The following NTRK2 variants were observed in gnomAD, a reference collection of about 807,000 sequenced individuals.
NTRK2 encodes the protein BDNF/NT-3 growth factors receptor.
NTRK2 carries 13 observed loss-of-function variants against 94.5 expected under a neutral mutation model. The ratio of observed to expected loss-of-function variants is 0.14; its 90% CI spans 0.09 to 0.22. The LOEUF (loss-of-function observed/expected upper bound fraction) is 0.22. NTRK2 is among the 10% of genes least tolerant of loss of function. NTRK2 has a pLI of 1.00. For missense variants in NTRK2, 639 were observed against 1,071.2 expected, an observed-to-expected ratio of 0.60 and a Z score of 5.63; for synonymous variants, 372 against 407.4, an observed-to-expected ratio of 0.91 and a Z score of 1.05.
intron 12 of NTRK2, among the ~76,000 whole-genome samples, chr9:84,831,592 G>C (rs1484833489): frequency 6.6e-6 from 1 of 152,190 alleles, no homozygotes; most frequent in Non-Finnish European, 1.5e-5. Flanking sequence ...CTGTGAGGTA[G>C]ATACCACCAT....
At chr9:84,884,618 A>G (rs1258075019) in intron 14 of NTRK2, among the ~76,000 whole-genome samples, 5 of 152,224 alleles carry the variant, frequency 3.3e-5, no homozygotes, top group African/African-American at 9.6e-5. Context: ...GGCATAATAT[A>G]TCACGACGTT....
At chr9:84,836,934 GTATAA>G (rs56390905) in intron 12 of NTRK2, among the ~76,000 whole-genome samples, 26,154 of 133,958 alleles carry the variant, frequency 0.2, 2,555 homozygotes, top group Middle Eastern at 0.23. Context: ...TTGTCGTAGA[GTATAA>G]TATAATATAA....
At chr9:84,722,122 T>C (rs2062104347) in intron 6 of NTRK2, among the ~76,000 whole-genome samples, 1 of 151,594 alleles carries the variant, frequency 6.6e-6, no homozygotes, top group Non-Finnish European at 1.5e-5. Context: ...ATCATTGTTA[T>C]ATATTTCATT....
At chr9:84,991,890 C>T (rs769980468) in intron 17 of NTRK2, among the ~76,000 whole-genome samples, 4 of 152,122 alleles carry the variant, frequency 2.6e-5, no homozygotes, top group Non-Finnish European at 5.9e-5. Context: ...CTGAAGGTAC[C>T]TGTCTGGAGG....
At position 85,024,944 on chromosome 9, in the gene NTRK2, A is replaced by G. The variant is rs75947447; in HGVS notation, c.*3507A>G. ...TAAATACTTGATTTATACATATACA[A>G]ATGCACATACGTAGTGTGTTTGTGT... On this transcript the variant is annotated 3_prime_UTR_variant, in exon 19 of 19. Transcript: ENST00000277120. The G allele has an allele frequency of 0.012, 2,790 of 233,096 alleles. 65 individuals are homozygous for G. Among genetic ancestry groups the G allele is most frequent in the African/African-American group, 0.056 (2,547 of 45,450 alleles). 14.4% of individuals were successfully genotyped at this position (233,096 alleles called of 1,614,324 possible).
chr9:84,954,933 AG>A (rs1823925674), intron 16 of NTRK2, among the ~76,000 whole-genome samples: 1 of 152,166 alleles, frequency 6.6e-6, no homozygotes, highest in Non-Finnish European at 1.5e-5. Context: ...GCTGCTTCTC[AG>A]GGTCAGGGGG....
intron 8 of NTRK2, among the ~76,000 whole-genome samples, chr9:84,725,739 G>A (rs993559627): frequency 5.3e-5 from 8 of 151,154 alleles, no homozygotes; most frequent in Non-Finnish European, 1.2e-4. Context: ...TATAGATGAA[G>A]TCACATATTA....
rs1385614147 is a variant in NTRK2, at chr9:85,024,741, C to A, written c.*3304C>A. On this transcript the variant is annotated 3_prime_UTR_variant, in exon 19 of 19. Transcript: ENST00000277120. ...CAACTGAGATATTGTGATATATAAT[C>A]ATGCTCTTAGCTTCAGCTAAATTCA... The A allele has an allele frequency of 4.3e-6, 1 of 233,014 alleles. No homozygotes were observed. Among genetic ancestry groups the A allele is most frequent in the African/African-American group, 2.2e-5 (1 of 45,334 alleles). The allele number at this position is 233,014 out of a possible 1,614,324, so 14.4% of individuals were successfully genotyped here. A position where few individuals can be genotyped will look rare whatever the true frequency, so the allele number is the denominator to read the frequency against.
chr9:84,712,489 G>A (rs2061475874), intron 6 of NTRK2, among the ~76,000 whole-genome samples: 1 of 152,124 alleles, frequency 6.6e-6, no homozygotes, highest in South Asian at 2.1e-4. Flanking sequence ...TGATCGATTA[G>A]GACTGAATGG....
rs546383618 is a variant in NTRK2, at chr9:84,778,277, A to G, written c.1396+26192A>G. On this transcript the variant is annotated intron_variant, in intron 12 of 18. Coordinates refer to ENST00000277120, the MANE Select transcript of NTRK2 (RefSeq NM_006180.6). Reference sequence around the variant, plus strand: ...GACCCTGTCTAAATAAACAAAAACAAAAACAAAGCCTTCCTTAAATTGTGG... The same window carrying G: ...GACCCTGTCTAAATAAACAAAAACAGAAACAAAGCCTTCCTTAAATTGTGG... Among the ~76,000 whole-genome samples, 8 of 152,298 alleles carry G rather than the reference A, an allele frequency of 5.3e-5. 1 individual carries two copies. The South Asian group carries it at 1.7e-3, about 32-fold the overall frequency.
chr9:84,969,614 C>G (rs1825957996), intron 17 of NTRK2, among the ~76,000 whole-genome samples: 1 of 152,168 alleles, frequency 6.6e-6, no homozygotes, highest in South Asian at 2.1e-4. Context: ...GGTCTAATAG[C>G]TATTAAAATT....
At chr9:84,910,517 C>T (rs377433644) in intron 14 of NTRK2, among the ~76,000 whole-genome samples, 1 of 152,122 alleles carries the variant, frequency 6.6e-6, no homozygotes, top group African/African-American at 2.4e-5. Context: ...GATTTAAGGC[C>T]TACTCTAATC....
intron 17 of NTRK2, among the ~76,000 whole-genome samples, chr9:85,011,359 G>C (rs1226707754): frequency 1.3e-5 from 2 of 152,184 alleles, no homozygotes; most frequent in Non-Finnish European, 2.9e-5. Context: ...TGAGCGAGGA[G>C]AGTGTTATAA....
intron 14 of NTRK2, among the ~76,000 whole-genome samples, chr9:84,926,730 T>C (rs576656159): frequency 6.6e-6 from 1 of 152,346 alleles, no homozygotes; most frequent in South Asian, 2.1e-4. Context: ...ATGTTCGTGT[T>C]ATTATTTGTT....
intron 16 of NTRK2, among the ~76,000 whole-genome samples, chr9:84,949,314 GT>G (rs2078699770): frequency 6.6e-6 from 1 of 152,182 alleles, no homozygotes; most frequent in Non-Finnish European, 1.5e-5. Flanking sequence ...CAACTGAGAA[GT>G]TTTGTGGGAT....
intron 12 of NTRK2, among the ~76,000 whole-genome samples, chr9:84,771,332 G>A (rs905184076): frequency 1.3e-5 from 2 of 152,068 alleles, no homozygotes; most frequent in Non-Finnish European, 2.9e-5. Context: ...TGACTTCCTC[G>A]GCCCTGAAAT....
chr9:84,932,075 A>G (rs2078056815), intron 14 of NTRK2, among the ~76,000 whole-genome samples: 1 of 152,210 alleles, frequency 6.6e-6, no homozygotes, highest in Admixed American at 6.5e-5. Context: ...AACCACATGA[A>G]TTATCGGGGG....
intron 15 of NTRK2, among the ~76,000 whole-genome samples, chr9:84,940,520 A>G (rs1290690936): frequency 6.6e-6 from 1 of 152,172 alleles, no homozygotes; most frequent in Non-Finnish European, 1.5e-5. Flanking sequence ...GAGGGAAAAT[A>G]CTATGGTCCA....
Position 84,858,983 on chromosome 9 carries a change from G to A in NTRK2, c.1397-2057G>A, listed in dbSNP as rs149572165. Among the ~76,000 whole-genome samples the A allele has an allele frequency of 4.4e-3, 676 of 152,204 alleles. 15 individuals are homozygous for A. The highest frequency in any genetic ancestry group is 0.036 in the Admixed American group (543 of 15,274). On this transcript the variant is annotated intron_variant, in intron 12 of 18. Transcript: ENST00000277120. ...CAGCCTCCCTGAATCTCAGTTCCTC[G>A]TCAATAAGCATAGGATAATTTCTCA...
Sources: gnomAD v4.1 joint callset for allele counts (sites outside exome capture counted in the v4.1 genomes callset) on GRCh38, gnomAD v4.1.1 for gene constraint, MANE v1.5 for transcripts, NCBI Gene and HGNC (gene_info 2026-07-23, HGNC 2026-07-21) for gene names.